ABCA1: variants seen among roughly 807,000 people sequenced by gnomAD.
ABCA1 encodes phospholipid-transporting ATPase ABCA1.
In ABCA1, 133 loss-of-function variants were observed where a neutral mutation model predicts 262.5. The observed-to-expected ratio is 0.51, with a 90% CI of 0.44 to 0.59. The LOEUF (loss-of-function observed/expected upper bound fraction) is 0.59, where lower values mean the gene tolerates loss of function less well. ABCA1 is among the 20% of genes least tolerant of loss of function. ABCA1 has a pLI of 0.00. For synonymous variants in ABCA1, 1,022 were observed against 1,043.5 expected (o/e 0.98, Z 0.40); for missense variants, 2,452 against 2,777.5 (o/e 0.88, Z 2.63).
chr9:104,792,113 A>G, intron 42 of ABCA1, 115 bp from the exon 43 acceptor site: 1 of 947,322 alleles, frequency 1.1e-6, no homozygotes, highest in Non-Finnish European at 1.6e-6. Flanking sequence ...CTTGTCAATA[A>G]CCCTAAGCCA....
At chr9:104,855,903 C>T (rs2119087413) in intron 7 of ABCA1, 8 of 1,612,916 alleles carry the variant, frequency 5.0e-6, no homozygotes, top group South Asian at 1.1e-5. Context: ...CACTCACGCA[C>T]ACACAAAAGG....
chr9:104,911,139 A>C (rs1012553623), intron 1 of ABCA1, among the ~76,000 whole-genome samples: 2 of 152,208 alleles, frequency 1.3e-5, no homozygotes, highest in African/African-American at 4.8e-5. Flanking sequence ...GTAAACTACA[A>C]AGCAGGAGGT....
At chr9:104,802,513 C>T (rs1830426075) in intron 33 of ABCA1, among the ~76,000 whole-genome samples, 1 of 152,096 alleles carries the variant, frequency 6.6e-6, no homozygotes. Context: ...GAGTGGGAAC[C>T]CTGCACTGTC....
At chr9:104,793,499 G>C (rs1357256158) in intron 40 of ABCA1, among the ~76,000 whole-genome samples, 199 bp from the exon 41 acceptor site, 1 of 151,406 alleles carries the variant, frequency 6.6e-6, no homozygotes, top group African/African-American at 2.4e-5. Flanking sequence ...TTATGACCCA[G>C]TATCAATCAG....
In ABCA1 at chr9:104,882,563, G is replaced by T. The variant is rs563816648; in HGVS notation, c.421+476C>A. Among the ~76,000 whole-genome samples, 81 of 152,328 alleles carry T rather than the reference G, an allele frequency of 5.3e-4. 1 individual carries two copies. The highest frequency in any genetic ancestry group is 1.8e-3 in the African/African-American group (76 of 41,574). ...CTTTTTAAAGACAACAAGTTCAAAT[G>T]CCCATCAGACTAATTGAAATGATTA... is the stretch of plus-strand genomic sequence containing the variant. On this transcript the variant is annotated intron_variant, in intron 5 of 49. Transcript: ENST00000374736.
chr9:104,785,041 G>T (rs1274268408), intron 49 of ABCA1, among the ~76,000 whole-genome samples: 3 of 152,160 alleles, frequency 2.0e-5, no homozygotes, highest in Non-Finnish European at 4.4e-5. Context: ...AGGGAAGAGG[G>T]AAGAAAATAT....
chr9:104,797,485 T>A (rs1829997851), intron 37 of ABCA1, among the ~76,000 whole-genome samples: 1 of 152,202 alleles, frequency 6.6e-6, no homozygotes, highest in African/African-American at 2.4e-5. Flanking sequence ...GTAATAGAAG[T>A]GTGAGCTAAA....
intron 24 of ABCA1, 149 bp from the exon 25 acceptor site, chr9:104,816,494 G>T: frequency 1.3e-6 from 1 of 780,734 alleles, no homozygotes; most frequent in Non-Finnish European, 2.2e-6. Flanking sequence ...GTTCATCTCT[G>T]GTCTGAGGGT....
At chr9:104,879,509 G>A (rs928087199) in intron 5 of ABCA1, among the ~76,000 whole-genome samples, 1 of 152,086 alleles carries the variant, frequency 6.6e-6, no homozygotes, top group Non-Finnish European at 1.5e-5. Context: ...TATAATACAT[G>A]GCAAAATCAG....
Position 104,840,452 on chromosome 9 carries a change from G to C in ABCA1, c.881C>G (p.Ser294Cys). 1.9e-6 allele frequency: 3 copies of C among 1,614,098 alleles called. No homozygotes were observed. Among genetic ancestry groups the C allele is most frequent in the Non-Finnish European group, 2.5e-6 (3 of 1,180,034 alleles). The change falls in exon 9 of 50, where the codon TCC becomes TGC. Residue 294 changes from serine (S) to cysteine (C), a missense_variant. Transcript: ENST00000374736. Reference sequence around the variant, plus strand: ...CTGGTAGATTTGGGTGGAGGAGCTGGAGCTGTTCACATTGGTCAGAAACAT... The same window carrying C: ...CTGGTAGATTTGGGTGGAGGAGCTGCAGCTGTTCACATTGGTCAGAAACAT... ...EVMFLTNVNS[S>C]SSSTQIYQAV...
intron 1 of ABCA1, among the ~76,000 whole-genome samples, chr9:104,916,789 C>T (rs1027924622): frequency 6.6e-5 from 10 of 152,210 alleles, no homozygotes; most frequent in Admixed American, 5.2e-4. Flanking sequence ...AAGCAATTCT[C>T]CTGCCTCCAC....
Position 104,889,189 on chromosome 9 carries a change from G to A in ABCA1, c.73C>T (p.Leu25=), listed in dbSNP as rs1348316805. The part of the protein sequence containing the change: ...LTFRRRQTCQ[L]LLEVAWPLFI... ...AGAGGCCAGGCCACTTCCAGCAGCA[G>A]CTGACACTGAGTGGGAAATAAGATA... Residue 25 remains leucine (L), a synonymous_variant, in exon 3 of 50, where the codon CTG becomes TTG. Transcript: ENST00000374736. 1 of 1,614,096 alleles carries A rather than the reference G, an allele frequency of 6.2e-7. No individual in the cohort carries two copies. The highest frequency in any genetic ancestry group is 1.7e-5 in the Admixed American group (1 of 60,030).
At chr9:104,784,950 T>A (rs1011916712) in intron 49 of ABCA1, among the ~76,000 whole-genome samples, 1 of 152,120 alleles carries the variant, frequency 6.6e-6, no homozygotes, top group Non-Finnish European at 1.5e-5. Flanking sequence ...GGCCAAAAAC[T>A]GACTTTCTAT....
rs1344573501 is a variant in ABCA1, at chr9:104,829,038, C to A, written c.1993G>T (p.Ala665Ser). 2 of 1,614,082 alleles carry A rather than the reference C, an allele frequency of 1.2e-6. No homozygotes were observed. Among genetic ancestry groups the A allele is most frequent in the Non-Finnish European group, 1.7e-6 (2 of 1,180,058 alleles). The change falls in exon 15 of 50, where the codon GCA becomes TCA. Residue 665 changes from alanine (A) to serine (S), a missense_variant. Around this residue, in one of 4 missense-constraint regions of ABCA1, gnomAD observed 1,032 missense variants for 1,089.7 expected, o/e 0.95. Coordinates refer to ENST00000374736, the MANE Select transcript of ABCA1 (RefSeq NM_005502.4). ...ATCCGCATGGTCTCTTTCAGCCGTGCCTCCTTCTCATACACGATGCCCTTG... is the reference window on the plus strand; with the variant it reads ...ATCCGCATGGTCTCTTTCAGCCGTGACTCCTTCTCATACACGATGCCCTTG... ...IIKGIVYEKE[A>S]RLKETMRIMG...
chr9:104,842,489 TA>T (rs1834466141), intron 8 of ABCA1, among the ~76,000 whole-genome samples: 1 of 152,080 alleles, frequency 6.6e-6, no homozygotes, highest in African/African-American at 2.4e-5. Context: ...AGAAGCACCA[TA>T]AATTATTGAG....
chr9:104,826,089 A>C (rs1052833471), intron 16 of ABCA1, among the ~76,000 whole-genome samples: 1 of 152,140 alleles, frequency 6.6e-6, no homozygotes, highest in African/African-American at 2.4e-5. Context: ...ATTTGTAACC[A>C]CTCATTATAT....
chr9:104,806,563 T>C, intron 30 of ABCA1, 133 bp from the exon 31 acceptor site: 3 of 837,426 alleles, frequency 3.6e-6, no homozygotes, highest in East Asian at 2.7e-5. Context: ...AAGACAAGCA[T>C]GATCTCATTT....
intron 14 of ABCA1, 101 bp from the exon 15 acceptor site, chr9:104,829,239 T>A: frequency 1.7e-6 from 2 of 1,155,136 alleles, no homozygotes; most frequent in Non-Finnish European, 2.5e-6. Context: ...GAGCACCACA[T>A]CTGGGCCACA....
chr9:104,858,789 C>G (rs1836074890), intron 6 of ABCA1, 91 bp from the exon 7 acceptor site: 1 of 1,286,640 alleles, frequency 7.8e-7, no homozygotes, highest in South Asian at 1.2e-5. Context: ...AACTTCATAT[C>G]AATACAGCTT....
Sources: allele counts gnomAD v4.1 joint callset (sites outside exome capture counted in the v4.1 genomes callset), GRCh38; gene constraint gnomAD v4.1.1; regional missense constraint gnomAD v4.1.1; transcripts MANE v1.5; gene names NCBI Gene and HGNC (gene_info 2026-07-23, HGNC 2026-07-21).